The following PTPRM variants were observed in gnomAD, a reference collection of about 807,000 sequenced individuals.
PTPRM encodes the protein protein tyrosine phosphatase receptor type M.
Under a neutral mutation model 186.7 loss-of-function variants are expected in PTPRM, and 47 were observed. The ratio of observed to expected loss-of-function variants is 0.25; its 90% CI spans 0.20 to 0.32. PTPRM has a LOEUF of 0.32. Ranked by LOEUF, PTPRM falls within the 10% of genes least tolerant of loss-of-function variation. The probability of loss-of-function intolerance (pLI) is 1.00; values close to 1 mark genes in which losing one functional copy is unlikely to be tolerated. For synonymous variants in PTPRM, 668 were observed against 674.9 expected, an observed-to-expected ratio of 0.99 and a Z score of 0.16; for missense variants, 1,494 against 1,865.0, an observed-to-expected ratio of 0.80 and a Z score of 3.66.
At chr18:8,094,787 G>T (rs1205495951) in intron 11 of PTPRM, among the ~76,000 whole-genome samples, 1 of 152,086 alleles carries the variant, frequency 6.6e-6, no homozygotes, top group African/African-American at 2.4e-5. Flanking sequence ...TGTTAAGGAG[G>T]AAACTTCTAA....
intron 7 of PTPRM, among the ~76,000 whole-genome samples, chr18:8,051,983 A>G (rs1299111732): frequency 6.6e-6 from 1 of 152,148 alleles, no homozygotes; most frequent in African/African-American, 2.4e-5. Flanking sequence ...TGCCACTGTG[A>G]TATGACCTAG....
At chr18:8,112,972 A>G (rs2091822011) in intron 11 of PTPRM, among the ~76,000 whole-genome samples, 1 of 152,258 alleles carries the variant, frequency 6.6e-6, no homozygotes, top group East Asian at 1.9e-4. Flanking sequence ...GCAAAGGAAC[A>G]TAAGAAAACA....
intron 2 of PTPRM, among the ~76,000 whole-genome samples, chr18:7,878,807 T>G (rs1433588658): frequency 1.3e-5 from 2 of 152,082 alleles, no homozygotes; most frequent in Non-Finnish European, 2.9e-5. Flanking sequence ...AATGGAAGCT[T>G]ATATTGTGAT....
intron 14 of PTPRM, among the ~76,000 whole-genome samples, chr18:8,151,486 C>T (rs1206062166): frequency 7.2e-6 from 1 of 138,372 alleles, no homozygotes; most frequent in Admixed American, 7.1e-5. Flanking sequence ...CCCCCCCCGC[C>T]CCCCACCAAG....
At chr18:7,630,075 C>T (rs936327962) in intron 1 of PTPRM, among the ~76,000 whole-genome samples, 5 of 151,982 alleles carry the variant, frequency 3.3e-5, no homozygotes, top group Admixed American at 2.0e-4. Context: ...ATGTTTTGAA[C>T]GAATGGAAAT....
intron 14 of PTPRM, among the ~76,000 whole-genome samples, chr18:8,231,805 T>C (rs955955690): frequency 1.3e-5 from 2 of 152,172 alleles, no homozygotes; most frequent in Admixed American, 6.5e-5. Flanking sequence ...CAGTTTTTGT[T>C]TCACCACATA....
intron 1 of PTPRM, among the ~76,000 whole-genome samples, chr18:7,680,494 T>C (rs1415432465): frequency 1.3e-5 from 2 of 152,176 alleles, no homozygotes; most frequent in East Asian, 3.9e-4. Context: ...CATATAGTGA[T>C]GAGGGGAATT....
chr18:8,337,134 A>G (rs1420821261), intron 22 of PTPRM, among the ~76,000 whole-genome samples: 1 of 152,188 alleles, frequency 6.6e-6, no homozygotes. Context: ...TTAATACTTG[A>G]AAAACTACTC....
intron 2 of PTPRM, among the ~76,000 whole-genome samples, chr18:7,803,534 G>A (rs896589440): frequency 3.3e-5 from 5 of 152,082 alleles, no homozygotes; most frequent in African/African-American, 1.2e-4. Context: ...TGCATTCTGG[G>A]GATTAAGACA....
At chr18:7,974,282 C>A (rs551143788) in intron 7 of PTPRM, among the ~76,000 whole-genome samples, 20 of 152,302 alleles carry the variant, frequency 1.3e-4, no homozygotes, top group African/African-American at 4.8e-4. Flanking sequence ...TTTGAGGATA[C>A]AGTTAGTAGG....
chr18:7,620,490 C>A (rs2037912091), intron 1 of PTPRM, among the ~76,000 whole-genome samples: 1 of 152,104 alleles, frequency 6.6e-6, no homozygotes, highest in African/African-American at 2.4e-5. Context: ...CTTGTAATTG[C>A]CAAGTGAGGG....
At chr18:7,939,266 C>T (rs2052017430) in intron 5 of PTPRM, among the ~76,000 whole-genome samples, 1 of 145,910 alleles carries the variant, frequency 6.9e-6, no homozygotes, top group Non-Finnish European at 1.5e-5. Context: ...GGAAGGGGGA[C>T]TGGCTCAGAG....
intron 2 of PTPRM, among the ~76,000 whole-genome samples, chr18:7,880,969 T>C (rs1270189305): frequency 1.3e-5 from 2 of 152,192 alleles, no homozygotes; most frequent in Non-Finnish European, 2.9e-5. Context: ...CAGAATTGAT[T>C]TGATTTTGCA....
chr18:8,079,782 G>A (rs1036360643), intron 9 of PTPRM, among the ~76,000 whole-genome samples: 1 of 151,892 alleles, frequency 6.6e-6, no homozygotes, highest in Non-Finnish European at 1.5e-5. Flanking sequence ...TGACAGATTT[G>A]GTTATATAAA....
At chr18:7,922,246 C>A (rs530466060) in intron 4 of PTPRM, among the ~76,000 whole-genome samples, 21 of 152,332 alleles carry the variant, frequency 1.4e-4, no homozygotes, top group Admixed American at 3.3e-4. Context: ...ATGAACAATT[C>A]TCCTACAGTG....
At chr18:7,735,298 T>C (rs2040745324) in intron 1 of PTPRM, among the ~76,000 whole-genome samples, 1 of 152,076 alleles carries the variant, frequency 6.6e-6, no homozygotes, top group Non-Finnish European at 1.5e-5. Flanking sequence ...GCGGCGCCTG[T>C]AATCCCAGCT....
intron 2 of PTPRM, among the ~76,000 whole-genome samples, chr18:7,850,910 A>C (rs942350583): frequency 1.1e-4 from 17 of 152,220 alleles, no homozygotes; most frequent in African/African-American, 3.9e-4. Flanking sequence ...CTCTTAGGAG[A>C]TCCAGATACT....
At chr18:8,112,928 A>G (rs549548556) in intron 11 of PTPRM, among the ~76,000 whole-genome samples, 4 of 152,302 alleles carry the variant, frequency 2.6e-5, no homozygotes, top group Non-Finnish European at 5.9e-5. Context: ...TGCTTTTCTT[A>G]TGCATTTCTT....
chr18:7,790,064 TG>T (rs902108354), intron 2 of PTPRM, among the ~76,000 whole-genome samples: 10 of 152,344 alleles, frequency 6.6e-5, no homozygotes, highest in South Asian at 2.1e-4. Flanking sequence ...GCTCCTTCAC[TG>T]GGGCCTCTGC....
Sources: allele counts gnomAD v4.1 joint callset (sites outside exome capture counted in the v4.1 genomes callset), GRCh38; gene constraint gnomAD v4.1.1; transcripts MANE v1.5; gene names NCBI Gene and HGNC (gene_info 2026-07-23, HGNC 2026-07-21).